Variants in RAPGEF5 observed in about 807,000 individuals in gnomAD.
RAPGEF5 encodes the protein M-Ras-regulated GEF.
Under a neutral mutation model 125.2 loss-of-function variants are expected in RAPGEF5, and 65 were observed. The observed-to-expected ratio is 0.52, with a 90% CI of 0.43 to 0.64. The LOEUF (loss-of-function observed/expected upper bound fraction) is 0.64. Ranked by LOEUF, RAPGEF5 falls within the 30% of genes least tolerant of loss-of-function variation. The pLI, the probability that RAPGEF5 is intolerant of heterozygous loss-of-function variation, is 0.00. For missense variants in RAPGEF5, 958 were observed against 1,048.1 expected, an observed-to-expected ratio of 0.91 and a Z score of 1.19; for synonymous variants, 391 against 385.9, an observed-to-expected ratio of 1.01 and a Z score of -0.16.
At chr7:22,269,623 TAGA>T (rs1431274955) in intron 6 of RAPGEF5, among the ~76,000 whole-genome samples, 1 of 152,224 alleles carries the variant, frequency 6.6e-6, no homozygotes, top group Admixed American at 6.5e-5. Flanking sequence ...CAGAACATGT[TAGA>T]AGGATTCAAA....
At chr7:22,355,998 G>T in intron 1 of RAPGEF5, 1 of 985,426 alleles carries the variant, frequency 1.0e-6, no homozygotes, top group Non-Finnish European at 1.2e-6. Context: ...GCCAAACCCT[G>T]GTGAGCAGGG....
intron 11 of RAPGEF5, chr7:22,192,122 G>A: frequency 6.5e-6 from 1 of 154,544 alleles, no homozygotes; most frequent in East Asian, 1.9e-4. Flanking sequence ...GTGCTCAAAT[G>A]CACAAAATAT....
chr7:22,316,535 A>C (rs1783603745), intron 2 of RAPGEF5, among the ~76,000 whole-genome samples: 3 of 139,458 alleles, frequency 2.2e-5, no homozygotes, highest in Admixed American at 1.5e-4. Flanking sequence ...GTGTCACCCA[A>C]GCTGGAGTTC....
chr7:22,174,121 C>T (rs527526153), intron 11 of RAPGEF5, among the ~76,000 whole-genome samples: 1 of 152,122 alleles, frequency 6.6e-6, no homozygotes, highest in South Asian at 2.1e-4. Context: ...TGGCAGAGAG[C>T]CTGGTATACC....
In RAPGEF5 at chr7:22,315,386, G is replaced by A. The variant is rs1293486873; in HGVS notation, c.373C>T (p.Leu125Phe). The A allele has an allele frequency of 6.5e-7, 1 of 1,540,346 alleles. No homozygotes were observed. Among genetic ancestry groups the A allele is most frequent in the Non-Finnish European group, 8.8e-7 (1 of 1,142,316 alleles). The change falls in exon 3 of 26, where the codon CTC becomes TTC. Residue 125 changes from leucine (L) to phenylalanine (F), a missense_variant. Physicochemically the swap from Leu to Phe is conservative, Grantham distance 22. Coordinates refer to ENST00000665637, the MANE Select transcript of RAPGEF5 (RefSeq NM_012294.5). The part of the protein sequence containing the change: ...AADLIKDRVN[L>F]KGFYRRSCVG... ...CTGTGTTACCTGTAAAACCCCTTGA[G>A]GTTCACTCTGTCCTTTATCAGGTCA...
chr7:22,219,140 C>T (rs768898875), intron 9 of RAPGEF5, among the ~76,000 whole-genome samples: 29 of 152,152 alleles, frequency 1.9e-4, no homozygotes, highest in Non-Finnish European at 3.8e-4. Flanking sequence ...TAGTGCAGCA[C>T]TGAGAGTGAA....
intron 20 of RAPGEF5, among the ~76,000 whole-genome samples, chr7:22,140,583 A>C (rs1783226201): frequency 6.6e-6 from 1 of 152,202 alleles, no homozygotes; most frequent in South Asian, 2.1e-4. Flanking sequence ...TGCTACCAAC[A>C]AAATAGCTAC....
intron 22 of RAPGEF5, 72 bp downstream of exon 22, chr7:22,136,861 C>T (rs1783094466): frequency 7.7e-7 from 1 of 1,303,298 alleles, no homozygotes; most frequent in African/African-American, 1.5e-5. Context: ...ATACCACCCA[C>T]TATAATGTAG....
At chr7:22,231,341 G>T (rs2128134616) in intron 7 of RAPGEF5, among the ~76,000 whole-genome samples, 1 of 152,144 alleles carries the variant, frequency 6.6e-6, no homozygotes, top group East Asian at 1.9e-4. Flanking sequence ...ATTTATATCT[G>T]GGTTGCTCAG....
chr7:22,165,240 A>C (rs532883286), intron 12 of RAPGEF5, among the ~76,000 whole-genome samples: 6 of 152,312 alleles, frequency 3.9e-5, no homozygotes, highest in African/African-American at 1.4e-4. Flanking sequence ...TAAGTTCTAG[A>C]GATTGTTTAG....
intron 13 of RAPGEF5, among the ~76,000 whole-genome samples, chr7:22,161,837 T>C (rs1189997679): frequency 1.3e-5 from 2 of 152,198 alleles, no homozygotes; most frequent in Non-Finnish European, 1.5e-5. Context: ...AGACTTAATA[T>C]GATTTTGGTG....
chr7:22,250,215 T>C (rs754390750), intron 7 of RAPGEF5, among the ~76,000 whole-genome samples: 4 of 152,156 alleles, frequency 2.6e-5, no homozygotes, highest in Non-Finnish European at 5.9e-5. Flanking sequence ...CAAATCTTAA[T>C]CACTATATGA....
intron 5 of RAPGEF5, among the ~76,000 whole-genome samples, chr7:22,297,460 T>C (rs1190758887): frequency 6.6e-6 from 1 of 152,186 alleles, no homozygotes. Flanking sequence ...GCAATTGTGA[T>C]ACAGTTTTCT....
chr7:22,155,083 G>A (rs1006372010), intron 16 of RAPGEF5, among the ~76,000 whole-genome samples: 11 of 152,198 alleles, frequency 7.2e-5, no homozygotes, highest in South Asian at 4.1e-4. Flanking sequence ...CAAGAACACC[G>A]TATTTTGCTA....
At chr7:22,136,813 G>A (rs1783092177) in intron 22 of RAPGEF5, 120 bp downstream of exon 22, 1 of 840,340 alleles carries the variant, frequency 1.2e-6, no homozygotes, top group South Asian at 1.7e-5. Context: ...TCATATACAA[G>A]TAAACTAGTC....
intron 6 of RAPGEF5, among the ~76,000 whole-genome samples, chr7:22,275,667 T>C (rs1782538474): frequency 6.6e-6 from 1 of 152,068 alleles, no homozygotes; most frequent in Non-Finnish European, 1.5e-5. Flanking sequence ...TCTCATTTCC[T>C]AATGACCCCA....
chr7:22,248,360 C>T (rs1316815308), intron 7 of RAPGEF5, among the ~76,000 whole-genome samples: 1 of 152,154 alleles, frequency 6.6e-6, no homozygotes, highest in Admixed American at 6.5e-5. Context: ...GGTGCAAATG[C>T]TAAGCTTGAA....
intron 6 of RAPGEF5, among the ~76,000 whole-genome samples, chr7:22,277,981 C>T (rs1208791465): frequency 6.6e-6 from 1 of 152,144 alleles, no homozygotes; most frequent in Non-Finnish European, 1.5e-5. Flanking sequence ...GACCATTTTA[C>T]CCGTTACAGA....
chr7:22,310,228 C>G, intron 3 of RAPGEF5, 138 bp from the exon 4 acceptor site: 5 of 880,132 alleles, frequency 5.7e-6, no homozygotes, highest in Non-Finnish European at 7.7e-6. Context: ...TGGCATATAC[C>G]TCTTATTCAT....
Sources: gnomAD v4.1 joint callset for allele counts (sites outside exome capture counted in the v4.1 genomes callset) on GRCh38, gnomAD v4.1.1 for gene constraint, MANE v1.5 for transcripts, NCBI Gene and HGNC (gene_info 2026-07-23, HGNC 2026-07-21) for gene names.